The following PLCB1 variants were observed in gnomAD, a reference collection of about 807,000 sequenced individuals.
PLCB1 encodes the protein 1-phosphatidylinositol 4,5-bisphosphate phosphodiesterase beta-1.
In PLCB1, 46 loss-of-function variants were observed where a neutral mutation model predicts 161.8. The observed-to-expected ratio is 0.28, with a 90% confidence interval of 0.22 to 0.36. The LOEUF (loss-of-function observed/expected upper bound fraction) is 0.36, where lower values mean the gene tolerates loss of function less well. Ranked by LOEUF, PLCB1 falls within the 10% of genes least tolerant of loss-of-function variation. The probability of loss-of-function intolerance (pLI) is 1.00; values close to 1 mark genes in which losing one functional copy is unlikely to be tolerated. For synonymous variants in PLCB1, 517 were observed against 503.7 expected, an observed-to-expected ratio of 1.03 and a Z score of -0.35; for missense variants, 1,016 against 1,472.5, an observed-to-expected ratio of 0.69 and a Z score of 5.07.
At chr20:8,847,052 T>C (rs2146297040) in intron 31 of PLCB1, among the ~76,000 whole-genome samples, 1 of 152,320 alleles carries the variant, frequency 6.6e-6, no homozygotes, top group South Asian at 2.1e-4. Context: ...AAGATCTTGA[T>C]ATGGTCATTT....
intron 3 of PLCB1, among the ~76,000 whole-genome samples, chr20:8,495,373 G>C (rs1983117074): frequency 1.4e-5 from 2 of 144,640 alleles, no homozygotes; most frequent in Admixed American, 7.1e-5. Flanking sequence ...TGTGGACTTT[G>C]CCTTACCTTC....
intron 1 of PLCB1, among the ~76,000 whole-genome samples, chr20:8,137,817 T>C (rs576076840): frequency 3.5e-4 from 54 of 152,374 alleles, no homozygotes; most frequent in Non-Finnish European, 7.4e-4. Context: ...TGGTTTTGCT[T>C]GTTTTTAATC....
chr20:8,446,735 A>T (rs184865289), intron 3 of PLCB1, among the ~76,000 whole-genome samples: 354 of 152,338 alleles, frequency 2.3e-3, no homozygotes, highest in African/African-American at 8.3e-3. Context: ...AGTATTAAAA[A>T]TTAGTAGAAG....
At chr20:8,781,568 T>C (rs1983240186) in intron 27 of PLCB1, among the ~76,000 whole-genome samples, 1 of 152,214 alleles carries the variant, frequency 6.6e-6, no homozygotes, top group African/African-American at 2.4e-5. Flanking sequence ...ATTGCATGAA[T>C]GTAGCTTAAT....
intron 24 of PLCB1, 132 bp from the exon 25 acceptor site, chr20:8,760,274 GA>G: frequency 1.7e-6 from 1 of 583,090 alleles, no homozygotes; most frequent in Non-Finnish European, 3.0e-6. Context: ...TTTTTATAAA[GA>G]ATTTTCTCAC....
At chr20:8,729,627 A>G (rs577324887) in intron 18 of PLCB1, 1 of 152,318 alleles carries the variant, frequency 6.6e-6, no homozygotes, top group South Asian at 2.1e-4. Context: ...ATATTCATAT[A>G]TACATATATA....
At chr20:8,232,787 G>A (rs1170910681) in intron 2 of PLCB1, among the ~76,000 whole-genome samples, 1 of 152,122 alleles carries the variant, frequency 6.6e-6, no homozygotes, top group African/African-American at 2.4e-5. Flanking sequence ...GAGGAAAGAT[G>A]GTTAAGTCCT....
chr20:8,787,952 A>G (rs1017813787), intron 27 of PLCB1, among the ~76,000 whole-genome samples: 13 of 152,274 alleles, frequency 8.5e-5, no homozygotes, highest in Non-Finnish European at 1.9e-4. Context: ...ACAATGAATG[A>G]TAGTTGTGAG....
chr20:8,550,085 T>G (rs1036234480), intron 3 of PLCB1, among the ~76,000 whole-genome samples: 3 of 152,184 alleles, frequency 2.0e-5, no homozygotes, highest in Non-Finnish European at 4.4e-5. Context: ...CCCTATTGTA[T>G]GTAGGAAGTA....
At chr20:8,739,995 T>A (rs1043851009) in intron 21 of PLCB1, among the ~76,000 whole-genome samples, 2 of 152,114 alleles carry the variant, frequency 1.3e-5, no homozygotes, top group African/African-American at 2.4e-5. Context: ...TGAGACCCTG[T>A]CTCTACAAAA....
chr20:8,197,127 A>G (rs900788144), intron 2 of PLCB1, among the ~76,000 whole-genome samples: 10 of 152,174 alleles, frequency 6.6e-5, no homozygotes, highest in African/African-American at 1.4e-4. Flanking sequence ...CGCAATAAAC[A>G]TAAGTGTACA....
intron 3 of PLCB1, among the ~76,000 whole-genome samples, chr20:8,475,509 C>A (rs1982238518): frequency 6.6e-6 from 1 of 152,212 alleles, no homozygotes; most frequent in East Asian, 1.9e-4. Context: ...AACAAGGTAA[C>A]TGAGGCACAG....
At chr20:8,585,612 C>G (rs537897092) in intron 3 of PLCB1, among the ~76,000 whole-genome samples, 237 of 152,256 alleles carry the variant, frequency 1.6e-3, no homozygotes, top group Non-Finnish European at 2.4e-3. Flanking sequence ...GTTTTTACCC[C>G]TCTTGACGTG....
At chr20:8,528,941 C>T (rs867125871) in intron 3 of PLCB1, among the ~76,000 whole-genome samples, 1 of 152,000 alleles carries the variant, frequency 6.6e-6, no homozygotes, top group African/African-American at 2.4e-5. Context: ...CTGCTAACTA[C>T]ATAATGCTTC....
chr20:8,483,889 T>C (rs1051871779), intron 3 of PLCB1, among the ~76,000 whole-genome samples: 6 of 152,088 alleles, frequency 3.9e-5, no homozygotes, highest in African/African-American at 1.2e-4. Context: ...TACTCTAAAA[T>C]AGAAATAAAT....
chr20:8,212,019 T>C (rs778685292), intron 2 of PLCB1, among the ~76,000 whole-genome samples: 1 of 152,160 alleles, frequency 6.6e-6, no homozygotes, highest in Non-Finnish European at 1.5e-5. Flanking sequence ...TTTTTAGTAA[T>C]TATGCTCCGA....
At chr20:8,426,425 A>C (rs574768997) in intron 3 of PLCB1, among the ~76,000 whole-genome samples, 183 of 152,328 alleles carry the variant, frequency 1.2e-3, no homozygotes, top group African/African-American at 4.3e-3. Flanking sequence ...ACGTGCGTGC[A>C]CCTGCTCAGA....
intron 4 of PLCB1, among the ~76,000 whole-genome samples, chr20:8,636,612 G>A (rs777518666): frequency 6.6e-6 from 1 of 152,188 alleles, no homozygotes; most frequent in Non-Finnish European, 1.5e-5. Context: ...TACACACACA[G>A]AAGCAGCAGC....
chr20:8,655,342 C>T (rs1989430135), intron 7 of PLCB1, among the ~76,000 whole-genome samples: 1 of 152,028 alleles, frequency 6.6e-6, no homozygotes. Flanking sequence ...TTATTTATAC[C>T]TACTGTATGT....
Sources: allele counts gnomAD v4.1 joint callset (sites outside exome capture counted in the v4.1 genomes callset), GRCh38; gene constraint gnomAD v4.1.1; transcripts MANE v1.5; gene names NCBI Gene and HGNC (gene_info 2026-07-23, HGNC 2026-07-21).